FRAS1: variants seen among roughly 807,000 people sequenced by gnomAD.
FRAS1 encodes extracellular matrix organizing protein FRAS1.
Under a neutral mutation model 435.2 loss-of-function variants are expected in FRAS1, and 290 were observed. The ratio of observed to expected loss-of-function variants is 0.67; its 90% CI spans 0.61 to 0.73. FRAS1 has a LOEUF of 0.73. Among genes scored for constraint, FRAS1 ranks in the 30% least tolerant of loss-of-function variants. The pLI, the probability that FRAS1 is intolerant of heterozygous loss-of-function variation, is 0.00. For missense variants in FRAS1, 4,860 were observed against 5,001.5 expected (o/e 0.97, Z 0.85); for synonymous variants, 1,800 against 1,851.0 (o/e 0.97, Z 0.71).
intron 18 of FRAS1, chr4:78,319,279 C>T: frequency 5.7e-6 from 3 of 524,334 alleles, no homozygotes; most frequent in Non-Finnish European, 1.1e-5. Context: ...TGTGTAGTTA[C>T]AAAAGACTCA....
intron 15 of FRAS1, among the ~76,000 whole-genome samples, chr4:78,312,631 A>C (rs1729072345): frequency 6.6e-6 from 1 of 152,002 alleles, no homozygotes; most frequent in Non-Finnish European, 1.5e-5. Flanking sequence ...GTTCGAGACC[A>C]GGCTGGGCAA....
intron 2 of FRAS1, among the ~76,000 whole-genome samples, chr4:78,132,501 A>G (rs972493064): frequency 3.3e-5 from 5 of 152,228 alleles, no homozygotes; most frequent in African/African-American, 1.2e-4. Context: ...ATCTCAATTT[A>G]AATATTACAG....
chr4:78,444,025 G>C, intron 41 of FRAS1: 1 of 345,748 alleles, frequency 2.9e-6, no homozygotes. Context: ...ATTTTTGGTG[G>C]GGTAATTTTT....
chr4:78,432,744 T>C, intron 38 of FRAS1, 140 bp downstream of exon 38: 1 of 937,184 alleles, frequency 1.1e-6, no homozygotes, highest in Non-Finnish European at 1.5e-6. Context: ...CTTCCCTACC[T>C]TCTACTGTTA....
At chr4:78,254,418 A>T (rs1449621310) in intron 5 of FRAS1, among the ~76,000 whole-genome samples, 2 of 152,210 alleles carry the variant, frequency 1.3e-5, no homozygotes, top group East Asian at 3.9e-4. Context: ...GGATGAAAAA[A>T]TATGCCCAAG....
intron 61 of FRAS1, among the ~76,000 whole-genome samples, 164 bp from the exon 62 acceptor site, chr4:78,507,257 A>G (rs909423984): frequency 3.9e-5 from 6 of 152,320 alleles, no homozygotes; most frequent in African/African-American, 9.6e-5. Flanking sequence ...AAGATTCCTC[A>G]CTTGAGATGG....
intron 31 of FRAS1, among the ~76,000 whole-genome samples, chr4:78,412,557 T>C (rs1733384061): frequency 6.6e-6 from 1 of 152,228 alleles, no homozygotes; most frequent in African/African-American, 2.4e-5. Context: ...TAAGACATTA[T>C]ATAGTTCTCA....
At chr4:78,092,531 C>T (rs1560516817) in intron 2 of FRAS1, among the ~76,000 whole-genome samples, 1 of 152,122 alleles carries the variant, frequency 6.6e-6, no homozygotes, top group Non-Finnish European at 1.5e-5. Flanking sequence ...ATCACAGACG[C>T]GAACAGCATG....
chr4:78,255,517 C>T, intron 6 of FRAS1, 142 bp downstream of exon 6: 4 of 798,934 alleles, frequency 5.0e-6, no homozygotes, highest in Non-Finnish European at 5.8e-6. Context: ...TTTTGGAGAC[C>T]ACCTCTGAGA....
chr4:78,184,180 G>T (rs1722176664), intron 2 of FRAS1, among the ~76,000 whole-genome samples: 1 of 152,116 alleles, frequency 6.6e-6, no homozygotes, highest in Admixed American at 6.6e-5. Flanking sequence ...TTATACCCCA[G>T]ATCAGTCAGG....
At chr4:78,236,952 C>T (rs775078475) in intron 2 of FRAS1, among the ~76,000 whole-genome samples, 5 of 152,274 alleles carry the variant, frequency 3.3e-5, no homozygotes, top group South Asian at 2.1e-4. Flanking sequence ...CAGCACCCAG[C>T]CAGGCACAAA....
rs187961291 is a variant in FRAS1 at position 78,256,588 on chromosome 4, G to A, written c.603+1213G>A. On this transcript the variant is annotated intron_variant, in intron 6 of 73. Coordinates refer to ENST00000512123, the MANE Select transcript of FRAS1 (RefSeq NM_025074.7). ...TGTAACCTCAGACTGCATATTAGGG[G>A]ACCAGCTACTGGAATAATTGAAAGT... Among the ~76,000 whole-genome samples the A allele has an allele frequency of 3.2e-3, 481 of 152,260 alleles. 8 individuals carry two copies. Among genetic ancestry groups the A allele is most frequent in the Admixed American group, 0.029 (444 of 15,288 alleles).
At chr4:78,433,473 T>A (rs1734290979) in intron 38 of FRAS1, among the ~76,000 whole-genome samples, 1 of 152,214 alleles carries the variant, frequency 6.6e-6, no homozygotes, top group Admixed American at 6.5e-5. Context: ...TGCCGTATAC[T>A]TTTAAGTAAC....
Position 78,536,983 on chromosome 4 carries a change from C to T in FRAS1, c.11093-12C>T, listed in dbSNP as rs1173144738. The T allele has an allele frequency of 6.2e-7, 1 of 1,609,550 alleles. No homozygotes were observed. Among genetic ancestry groups the T allele is most frequent in the Non-Finnish European group, 8.5e-7 (1 of 1,176,218 alleles). The stretch of plus-strand genomic sequence containing the variant: ...AAAGTCTGACCTAATTAATACCTTT[C>T]AATCTTTTCAGGTCAAATCCTTTAT... On this transcript the variant is annotated splice_polypyrimidine_tract_variant and intron_variant, in intron 71 of 73. Transcript: ENST00000512123.
At chr4:78,526,495 C>A in intron 69 of FRAS1, 46 bp from the exon 70 acceptor site, 1 of 1,289,858 alleles carries the variant, frequency 7.8e-7, no homozygotes, top group Non-Finnish European at 1.1e-6. Flanking sequence ...AGCCAGCAAC[C>A]TATCAGTTGT....
chr4:78,118,084 C>T (rs1718760116), intron 2 of FRAS1, among the ~76,000 whole-genome samples: 1 of 152,210 alleles, frequency 6.6e-6, no homozygotes, highest in Non-Finnish European at 1.5e-5. Context: ...TTGGATTTTG[C>T]TGGAGGTCCA....
Position 78,478,060 on chromosome 4 carries a change from A to T in FRAS1, c.8097A>T (p.Lys2699Asn). 1.9e-6 allele frequency: 3 copies of T among 1,557,564 alleles called. No individual in the cohort carries two copies. Among genetic ancestry groups the T allele is most frequent in the Non-Finnish European group, 1.7e-6 (2 of 1,149,598 alleles). The change falls in exon 55 of 74, where the codon AAA becomes AAT. Residue 2699 changes from lysine to asparagine, a missense_variant and splice_region_variant. Lys to Asn is a moderately conservative substitution (Grantham distance 94). Transcript: ENST00000512123. ...TTCTGTTTGCACCTATTGAAAGAAA[A>T]GGTCTGTTGGTTCCACAGGTGACAA... ...AGFLFAPIER[K>N]GDASSIVSAI...
intron 47 of FRAS1, among the ~76,000 whole-genome samples, chr4:78,453,559 G>A (rs1236007404): frequency 2.0e-5 from 3 of 152,198 alleles, no homozygotes; most frequent in African/African-American, 4.8e-5. Flanking sequence ...AGCACTTTGG[G>A]AGGTTGAGGT....
At chr4:78,321,519 TG>T (rs1729502268) in intron 18 of FRAS1, among the ~76,000 whole-genome samples, 1 of 152,190 alleles carries the variant, frequency 6.6e-6, no homozygotes, top group Admixed American at 6.5e-5. Flanking sequence ...GGAAGGTTTC[TG>T]GGAAGCCCTT....
Sources: allele counts gnomAD v4.1 joint callset (sites outside exome capture counted in the v4.1 genomes callset), GRCh38; gene constraint gnomAD v4.1.1; transcripts MANE v1.5; gene names NCBI Gene and HGNC (gene_info 2026-07-23, HGNC 2026-07-21).